Variants in HECW1 observed in about 807,000 individuals in gnomAD.
HECW1 encodes HECT, C2 and WW domain containing E3 ubiquitin protein ligase 1.
In HECW1, 61 loss-of-function variants were observed where a neutral mutation model predicts 182.3. The observed-to-expected ratio is 0.33, with a 90% CI of 0.27 to 0.41. The LOEUF is 0.41. Ranked by LOEUF, HECW1 falls within the 10% of genes least tolerant of loss-of-function variation. The pLI is 1.00. For missense variants in HECW1, 1,739 were observed against 2,108.9 expected, an observed-to-expected ratio of 0.82 and a Z score of 3.44; for synonymous variants, 859 against 832.6, an observed-to-expected ratio of 1.03 and a Z score of -0.55.
intron 17 of HECW1, among the ~76,000 whole-genome samples, chr7:43,490,607 CAA>C (rs1268572513): frequency 3.3e-5 from 5 of 152,152 alleles, no homozygotes; most frequent in Admixed American, 3.3e-4. Context: ...TCTTAAAAAA[CAA>C]AATGTATGTA....
chr7:43,267,185 G>T (rs1188100582), intron 3 of HECW1, among the ~76,000 whole-genome samples: 3 of 152,074 alleles, frequency 2.0e-5, no homozygotes, highest in Admixed American at 6.6e-5. Context: ...TGTCATCATT[G>T]CAAGGATCTA....
intron 3 of HECW1, among the ~76,000 whole-genome samples, chr7:43,301,414 C>T (rs1806765670): frequency 6.6e-6 from 1 of 152,192 alleles, no homozygotes; most frequent in African/African-American, 2.4e-5. Context: ...CCCATTATTG[C>T]CCTCACCATT....
chr7:43,309,360 A>G (rs1005931573), intron 3 of HECW1, among the ~76,000 whole-genome samples: 2 of 152,220 alleles, frequency 1.3e-5, no homozygotes, highest in African/African-American at 2.4e-5. Flanking sequence ...GACAAATGTC[A>G]TCGTTCCAAT....
chr7:43,135,831 T>C (rs1423722121), intron 2 of HECW1, among the ~76,000 whole-genome samples: 1 of 152,208 alleles, frequency 6.6e-6, no homozygotes, highest in Admixed American at 6.5e-5. Context: ...TCATTTCAAC[T>C]TGCATTTCAT....
intron 13 of HECW1, among the ~76,000 whole-genome samples, chr7:43,461,237 A>G (rs2077572402): frequency 6.6e-6 from 1 of 152,138 alleles, no homozygotes; most frequent in Non-Finnish European, 1.5e-5. Context: ...ACATATTAGG[A>G]GGTTGATGCT....
intron 5 of HECW1, among the ~76,000 whole-genome samples, chr7:43,344,404 C>T (rs1170031130): frequency 6.7e-6 from 1 of 148,906 alleles, no homozygotes; most frequent in East Asian, 1.9e-4. Flanking sequence ...TTCTCATTCC[C>T]TTGTCTTCCA....
chr7:43,280,618 G>A (rs1036262493), intron 3 of HECW1, among the ~76,000 whole-genome samples: 1 of 152,182 alleles, frequency 6.6e-6, no homozygotes, highest in Admixed American at 6.5e-5. Context: ...GAAGACTTTT[G>A]AGAGGAGGAT....
At chr7:43,500,463 G>A (rs2079300931) in intron 19 of HECW1, among the ~76,000 whole-genome samples, 1 of 152,074 alleles carries the variant, frequency 6.6e-6, no homozygotes, top group Non-Finnish European at 1.5e-5. Context: ...GCTACCTGAG[G>A]ACCTAACTTT....
intron 2 of HECW1, among the ~76,000 whole-genome samples, chr7:43,158,758 G>T (rs1790170729): frequency 6.6e-6 from 1 of 152,090 alleles, no homozygotes; most frequent in Non-Finnish European, 1.5e-5. Flanking sequence ...CCATCCCCTT[G>T]AGACAATGGT....
rs1228591271 is a variant in HECW1 at position 43,213,182 on chromosome 7, G to C, written c.-31-30693G>C. The stretch of plus-strand genomic sequence containing the variant: ...CTTCCCAGAAAGTGCATGACTCTGG[G>C]ACTGGGTAACAAATCTTGCCCCAAG... On this transcript the variant is annotated intron_variant, in intron 2 of 29. Coordinates refer to ENST00000395891, the MANE Select transcript of HECW1 (RefSeq NM_015052.5). Among the ~76,000 whole-genome samples, 5 of 152,040 alleles carry C rather than the reference G, an allele frequency of 3.3e-5. No homozygotes were observed. The East Asian group carries it at 5.8e-4, about 18-fold the overall frequency.
In HECW1 at chr7:43,167,044, T is replaced by C. The variant is rs148999644; in HGVS notation, c.-32+52653T>C. On this transcript the variant is annotated intron_variant, in intron 2 of 29. Transcript: ENST00000395891. ...TCCAAAAGACCCCTTTCTGATGAGA[T>C]AGTGGATTCACTTCCCATTGCTATA... Among the ~76,000 whole-genome samples the C allele has an allele frequency of 2.1e-4, 32 of 152,366 alleles. No individual in the cohort carries two copies. The East Asian group carries it at 2.3e-3, about 11-fold the overall frequency.
Position 43,399,518 on chromosome 7 carries a change from C to A in HECW1, c.631+2629C>A, listed in dbSNP as rs536987139. On this transcript the variant is annotated intron_variant, in intron 7 of 29. Coordinates refer to ENST00000395891, the MANE Select transcript of HECW1 (RefSeq NM_015052.5). ...AGAGGAATTGTCACTAACCAAAGGT[C>A]CAGTGAAGTCCAAGTCCTGAAGCCC... Among the ~76,000 whole-genome samples the A allele has an allele frequency of 1.4e-3, 218 of 152,298 alleles. 2 individuals are homozygous for A. Among genetic ancestry groups the A allele is most frequent in the African/African-American group, 5.1e-3 (213 of 41,560 alleles).
At position 43,558,961 on chromosome 7, in the gene HECW1, T is replaced by A. The variant is rs139001946; in HGVS notation, c.4710-2854T>A. Among the ~76,000 whole-genome samples, 64 of 152,246 alleles carry A rather than the reference T, an allele frequency of 4.2e-4. 1 individual carries two copies. Among genetic ancestry groups the A allele is most frequent in the Admixed American group, 4.1e-3 (63 of 15,280 alleles). On this transcript the variant is annotated intron_variant, in intron 29 of 29. Coordinates refer to ENST00000395891, the MANE Select transcript of HECW1 (RefSeq NM_015052.5). ...CTATCTGAAGAGAACAAGGCTGTAG[T>A]TAGGCAGTGGAAGAAGATTGGCATG...
At chr7:43,152,778 C>G (rs7807551) in intron 2 of HECW1, among the ~76,000 whole-genome samples, 2 of 151,982 alleles carry the variant, frequency 1.3e-5, no homozygotes, top group Admixed American at 1.3e-4. Flanking sequence ...CGGGGGCCCT[C>G]GGGTCTTCAT....
intron 7 of HECW1, among the ~76,000 whole-genome samples, chr7:43,404,444 T>A (rs2075535249): frequency 6.6e-6 from 1 of 152,196 alleles, no homozygotes; most frequent in African/African-American, 2.4e-5. Context: ...AAGGCTCATC[T>A]GGAACAATAA....
intron 2 of HECW1, among the ~76,000 whole-genome samples, chr7:43,155,920 CA>C (rs1413405983): frequency 6.6e-6 from 1 of 152,188 alleles, no homozygotes; most frequent in Admixed American, 6.5e-5. Flanking sequence ...TGTTCATGGA[CA>C]GAACCACTTA....
chr7:43,540,173 A>G (rs1388222000), intron 24 of HECW1, among the ~76,000 whole-genome samples: 1 of 152,240 alleles, frequency 6.6e-6, no homozygotes, highest in Non-Finnish European at 1.5e-5. Context: ...GCAGCTATAG[A>G]GTAGGAAACC....
rs1006368198 is a variant in HECW1, at chr7:43,303,564, C to G, written c.28-8199C>G. Among the ~76,000 whole-genome samples, 7 of 152,234 alleles carry G rather than the reference C, an allele frequency of 4.6e-5. No homozygotes were observed. The South Asian group carries it at 6.2e-4, about 14-fold the overall frequency. On this transcript the variant is annotated intron_variant, in intron 3 of 29. Transcript: ENST00000395891. The stretch of plus-strand genomic sequence containing the variant: ...ATTTGCTTATTAAAATTTTCTCCCC[C>G]TAATGTTCCCTTTCAGCCAGCAATG...
At chr7:43,211,888 T>A (rs1262062202) in intron 2 of HECW1, among the ~76,000 whole-genome samples, 2 of 152,230 alleles carry the variant, frequency 1.3e-5, no homozygotes, top group Admixed American at 6.5e-5. Flanking sequence ...ATGTTTGTGA[T>A]GTTTGGAATT....
Sources: allele counts gnomAD v4.1 joint callset (sites outside exome capture counted in the v4.1 genomes callset), GRCh38; gene constraint gnomAD v4.1.1; transcripts MANE v1.5; gene names NCBI Gene and HGNC (gene_info 2026-07-23, HGNC 2026-07-21).